The following PDE10A variants were observed in gnomAD, a reference collection of about 807,000 sequenced individuals.
The protein encoded by PDE10A is phosphodiesterase 10A.
In PDE10A, 39 loss-of-function variants were observed where a neutral mutation model predicts 97.7. That is an observed-to-expected ratio of 0.40 (90% CI 0.31 to 0.52). The LOEUF is 0.52. PDE10A is among the 20% of genes least tolerant of loss of function. The pLI is 0.56. For missense variants in PDE10A, 731 were observed against 1,047.8 expected, an observed-to-expected ratio of 0.70 and a Z score of 4.17; for synonymous variants, 371 against 376.8, an observed-to-expected ratio of 0.98 and a Z score of 0.18.
intron 1 of PDE10A, among the ~76,000 whole-genome samples, chr6:165,897,130 CGGAACTTCCTGGTG>C (rs959146088): frequency 7.9e-5 from 12 of 152,236 alleles, no homozygotes; most frequent in Non-Finnish European, 1.8e-4. Flanking sequence ...GAAAAGCAAA[CGGAACTTCCTGGTG>C]TCCAAGCACT....
intron 1 of PDE10A, among the ~76,000 whole-genome samples, chr6:165,962,664 T>A (rs1421049164): frequency 6.6e-6 from 1 of 152,178 alleles, no homozygotes; most frequent in Non-Finnish European, 1.5e-5. Context: ...GGATTTAAGC[T>A]CCCAGACGGG....
chr6:165,336,012 G>T, intron 21 of PDE10A, 111 bp downstream of exon 21: 1 of 865,556 alleles, frequency 1.2e-6, no homozygotes, highest in East Asian at 2.6e-5. Flanking sequence ...ACAACAACTC[G>T]ACATCTAGAC....
At chr6:165,430,886 T>A (rs1789501839) in intron 8 of PDE10A, among the ~76,000 whole-genome samples, 1 of 151,646 alleles carries the variant, frequency 6.6e-6, no homozygotes, top group African/African-American at 2.4e-5. Flanking sequence ...CCAAAAAAAA[T>A]AAAAAGAGAG....
At chr6:165,344,059 G>A (rs1003340166) in intron 18 of PDE10A, among the ~76,000 whole-genome samples, 1 of 152,150 alleles carries the variant, frequency 6.6e-6, no homozygotes, top group African/African-American at 2.4e-5. Flanking sequence ...TCCAAACACT[G>A]TGCTTCTCAT....
chr6:165,431,346 T>C, intron 8 of PDE10A, 76 bp downstream of exon 8: 4 of 858,460 alleles, frequency 4.7e-6, no homozygotes, highest in Non-Finnish European at 5.5e-6. Flanking sequence ...TTAACCTCTA[T>C]TCCGGTCTTC....
chr6:165,874,238 T>C (rs1781276150), intron 1 of PDE10A, among the ~76,000 whole-genome samples: 2 of 152,340 alleles, frequency 1.3e-5, no homozygotes, highest in South Asian at 2.1e-4. Context: ...CATTAAACCC[T>C]GTTTTTCAAA....
At chr6:165,542,548 A>T (rs1022494837) in intron 2 of PDE10A, among the ~76,000 whole-genome samples, 2 of 151,974 alleles carry the variant, frequency 1.3e-5, no homozygotes, top group African/African-American at 4.8e-5. Context: ...TCAAAAGTTA[A>T]AACAGTGGTT....
intron 1 of PDE10A, among the ~76,000 whole-genome samples, chr6:165,573,668 G>A (rs1030277560): frequency 6.6e-6 from 1 of 152,054 alleles, no homozygotes; most frequent in Non-Finnish European, 1.5e-5. Flanking sequence ...TGAATTGAAT[G>A]TATCTTTGCT....
intron 1 of PDE10A, among the ~76,000 whole-genome samples, chr6:165,791,962 C>T (rs1427161685): frequency 1.3e-5 from 2 of 152,196 alleles, no homozygotes; most frequent in Non-Finnish European, 2.9e-5. Flanking sequence ...CTCTCAGCAT[C>T]GGCCGTGAAA....
At chr6:165,473,660 A>C (rs987595704) in intron 3 of PDE10A, among the ~76,000 whole-genome samples, 2 of 152,212 alleles carry the variant, frequency 1.3e-5, no homozygotes, top group African/African-American at 4.8e-5. Context: ...CATGTAAAGA[A>C]ATCTCATCAA....
At chr6:165,559,414 G>A (rs921681381) in intron 1 of PDE10A, among the ~76,000 whole-genome samples, 2 of 152,184 alleles carry the variant, frequency 1.3e-5, no homozygotes, top group Non-Finnish European at 2.9e-5. Flanking sequence ...CAAAGAAAAT[G>A]TGAATTCTCA....
chr6:165,646,281 T>C (rs530358548), intron 1 of PDE10A, among the ~76,000 whole-genome samples: 1 of 152,326 alleles, frequency 6.6e-6, no homozygotes, highest in East Asian at 1.9e-4. Context: ...TCTTTTTATG[T>C]TGAAAACCTA....
At chr6:165,387,611 T>C (rs926299030) in intron 17 of PDE10A, among the ~76,000 whole-genome samples, 3 of 152,226 alleles carry the variant, frequency 2.0e-5, no homozygotes, top group African/African-American at 7.2e-5. Context: ...AGACACATCA[T>C]TGGAAGACCT....
intron 1 of PDE10A, among the ~76,000 whole-genome samples, chr6:165,891,831 G>A (rs772286463): frequency 1.3e-5 from 2 of 152,032 alleles, no homozygotes; most frequent in Non-Finnish European, 2.9e-5. Flanking sequence ...TCTCATCTCC[G>A]TTCTAGGCAA....
chr6:165,394,402 CT>C (rs1391560226), intron 15 of PDE10A, among the ~76,000 whole-genome samples: 1 of 152,026 alleles, frequency 6.6e-6, no homozygotes, highest in African/African-American at 2.4e-5. Flanking sequence ...TGAACTCATC[CT>C]TTTTTATGGC....
intron 1 of PDE10A, among the ~76,000 whole-genome samples, chr6:165,922,673 G>T (rs571959888): frequency 6.6e-5 from 10 of 152,222 alleles, no homozygotes; most frequent in African/African-American, 2.4e-4. Context: ...GAATGTAAAG[G>T]TTAACCTTAA....
chr6:165,485,128 T>C (rs1480105742), intron 2 of PDE10A, among the ~76,000 whole-genome samples: 4 of 152,160 alleles, frequency 2.6e-5, no homozygotes, highest in African/African-American at 9.7e-5. Context: ...AAGGAAGCCA[T>C]GAAACCTTCA....
intron 1 of PDE10A, among the ~76,000 whole-genome samples, chr6:165,932,292 A>G (rs1783162413): frequency 6.6e-6 from 1 of 152,130 alleles, no homozygotes; most frequent in African/African-American, 2.4e-5. Flanking sequence ...AAAAGTTGGA[A>G]CAGAATAATA....
At chr6:165,511,901 T>G (rs1478916719) in intron 2 of PDE10A, among the ~76,000 whole-genome samples, 1 of 152,094 alleles carries the variant, frequency 6.6e-6, no homozygotes, top group African/African-American at 2.4e-5. Context: ...TCACTCTATG[T>G]GTGTCTTTAC....
Sources: gnomAD v4.1 joint callset for allele counts (sites outside exome capture counted in the v4.1 genomes callset) on GRCh38, gnomAD v4.1.1 for gene constraint, MANE v1.5 for transcripts, NCBI Gene and HGNC (gene_info 2026-07-23, HGNC 2026-07-21) for gene names.